Variants in KLHL32 observed in about 807,000 individuals in gnomAD.
KLHL32 encodes the protein kelch like family member 32.
A neutral mutation model predicts 64.8 loss-of-function variants in KLHL32; 35 were observed. The ratio of observed to expected loss-of-function variants is 0.54; its 90% confidence interval spans 0.41 to 0.72. KLHL32 has a LOEUF of 0.72. Among genes scored for constraint, KLHL32 ranks in the 30% least tolerant of loss-of-function variants. KLHL32 has a pLI of 0.00. For missense variants in KLHL32, 589 were observed against 768.5 expected (o/e 0.77, Z 2.76); for synonymous variants, 259 against 281.0 (o/e 0.92, Z 0.78).
At chr6:97,110,812 C>T (rs1797017920) in intron 6 of KLHL32, among the ~76,000 whole-genome samples, 2 of 152,204 alleles carry the variant, frequency 1.3e-5, no homozygotes, top group South Asian at 4.1e-4. Flanking sequence ...TCGGTGCCGG[C>T]AGGGGCAAAC....
At chr6:96,986,296 C>T (rs1202795440) in intron 3 of KLHL32, among the ~76,000 whole-genome samples, 2 of 152,152 alleles carry the variant, frequency 1.3e-5, no homozygotes, top group Non-Finnish European at 1.5e-5. Context: ...GGGGGGGCCT[C>T]CCAGTTAGGC....
chr6:97,068,795 A>G (rs1434925316), intron 5 of KLHL32, among the ~76,000 whole-genome samples: 4 of 152,090 alleles, frequency 2.6e-5, no homozygotes, highest in Non-Finnish European at 5.9e-5. Context: ...TGAATTAAAT[A>G]CATCGTATTA....
chr6:96,986,470 G>T (rs1323818804), intron 3 of KLHL32, among the ~76,000 whole-genome samples: 1 of 152,230 alleles, frequency 6.6e-6, no homozygotes, highest in Non-Finnish European at 1.5e-5. Flanking sequence ...GCCCCCAGAG[G>T]TGGAGTCTAC....
intron 6 of KLHL32, among the ~76,000 whole-genome samples, chr6:97,094,482 CAGG>C (rs1011174541): frequency 2.0e-5 from 3 of 152,154 alleles, no homozygotes; most frequent in Non-Finnish European, 2.9e-5. Flanking sequence ...AGATCATAAT[CAGG>C]AGAAGCATTC....
At chr6:97,111,525 C>A (rs1216414369) in intron 6 of KLHL32, among the ~76,000 whole-genome samples, 1 of 152,188 alleles carries the variant, frequency 6.6e-6, no homozygotes, top group Non-Finnish European at 1.5e-5. Flanking sequence ...CAGGACCTGG[C>A]AAGTGCTTTT....
chr6:97,080,042 T>C (rs1237880008), intron 5 of KLHL32, among the ~76,000 whole-genome samples: 1 of 152,212 alleles, frequency 6.6e-6, no homozygotes, highest in African/African-American at 2.4e-5. Flanking sequence ...TATTAAAATC[T>C]TTTGATCTAA....
chr6:96,979,952 C>T (rs1177101154), intron 3 of KLHL32, among the ~76,000 whole-genome samples: 5 of 152,070 alleles, frequency 3.3e-5, no homozygotes. Flanking sequence ...CTTGATTTGG[C>T]TCTCAGCTTG....
chr6:96,916,761 TTCC>T, the KLHL32 span, among the ~76,000 whole-genome samples: 2 of 152,310 alleles, frequency 1.3e-5, no homozygotes, highest in East Asian at 3.9e-4. Context: ...AAATATTTCT[TTCC>T]TCCTCTACAC....
chr6:97,057,357 T>C (rs1788145249), intron 4 of KLHL32, among the ~76,000 whole-genome samples: 1 of 127,782 alleles, frequency 7.8e-6, no homozygotes, highest in South Asian at 2.4e-4. Context: ...CTAATTTTTG[T>C]ATTTTTAGTA....
At chr6:96,912,776 T>C in the KLHL32 span, among the ~76,000 whole-genome samples, 1 of 152,204 alleles carries the variant, frequency 6.6e-6, no homozygotes, top group Non-Finnish European at 1.5e-5. Flanking sequence ...TTGCCTGACT[T>C]GGAAAATCTC....
intron 7 of KLHL32, among the ~76,000 whole-genome samples, chr6:97,121,645 G>GTTTT (rs1239060863): frequency 6.6e-6 from 1 of 151,414 alleles, no homozygotes; most frequent in African/African-American, 2.4e-5. Context: ...GTTTTGTTTT[G>GTTTT]TTTTTTTTAA....
the KLHL32 span, among the ~76,000 whole-genome samples, chr6:96,905,039 G>C: frequency 6.6e-6 from 1 of 152,116 alleles, no homozygotes. Context: ...TGCTTTATAT[G>C]GAAGTAAGGA....
At chr6:97,005,058 A>G (rs969004129) in intron 3 of KLHL32, among the ~76,000 whole-genome samples, 3 of 152,108 alleles carry the variant, frequency 2.0e-5, no homozygotes, top group African/African-American at 4.8e-5. Flanking sequence ...TGGGAATGGT[A>G]TCAGCACTTT....
chr6:97,104,693 A>G (rs1263585623), intron 6 of KLHL32, among the ~76,000 whole-genome samples: 1 of 152,198 alleles, frequency 6.6e-6, no homozygotes, highest in Admixed American at 6.5e-5. Flanking sequence ...CCCTTGAAAG[A>G]TCTGTCTTAC....
intron 3 of KLHL32, among the ~76,000 whole-genome samples, chr6:96,981,854 G>A (rs779562303): frequency 2.6e-5 from 4 of 151,994 alleles, no homozygotes; most frequent in Admixed American, 6.6e-5. Context: ...ATGTGTTTGT[G>A]TAGTTTTGAG....
At chr6:96,972,932 A>C (rs1159089678) in intron 2 of KLHL32, among the ~76,000 whole-genome samples, 1 of 152,202 alleles carries the variant, frequency 6.6e-6, no homozygotes. Context: ...GTGTGCCTTA[A>C]CATTTAGAGG....
At chr6:97,086,621 C>A (rs1003250423) in intron 6 of KLHL32, among the ~76,000 whole-genome samples, 3 of 152,152 alleles carry the variant, frequency 2.0e-5, no homozygotes, top group Admixed American at 1.3e-4. Context: ...CTTCAATATT[C>A]CACACTGTCT....
rs56901480 is a variant in KLHL32 at position 97,012,634 on chromosome 6, T to G, written c.205-28858T>G. 2.6e-3 allele frequency among the ~76,000 whole-genome samples: 391 copies of G among 152,342 alleles called. 1 individual carries two copies. Among genetic ancestry groups the G allele is most frequent in the African/African-American group, 9.1e-3 (379 of 41,586 alleles). ...GCATCTTAACAGTTGCTAGCTGCAG[T>G]GAATTTTTCATAATTTTTGTGAATT... On this transcript the variant is annotated intron_variant, in intron 3 of 10. Transcript: ENST00000369261.
chr6:97,054,267 TAA>T (rs1787438187), intron 4 of KLHL32, among the ~76,000 whole-genome samples: 2 of 152,358 alleles, frequency 1.3e-5, no homozygotes, highest in East Asian at 3.9e-4. Context: ...TTGAATACTC[TAA>T]GTTAACTTGT....
Sources: allele counts gnomAD v4.1 joint callset (sites outside exome capture counted in the v4.1 genomes callset), GRCh38; gene constraint gnomAD v4.1.1; transcripts MANE v1.5; gene names NCBI Gene and HGNC (gene_info 2026-07-23, HGNC 2026-07-21).